PHACTR1: variants seen among roughly 807,000 people sequenced by gnomAD.
The protein encoded by PHACTR1 is RPEL repeat containing 1.
A neutral mutation model predicts 69.2 loss-of-function variants in PHACTR1; 16 were observed. The observed-to-expected ratio is 0.23, with a 90% CI of 0.16 to 0.35. The LOEUF (loss-of-function observed/expected upper bound fraction) is 0.35, where lower values mean the gene tolerates loss of function less well. Among genes scored for constraint, PHACTR1 ranks in the 10% least tolerant of loss-of-function variants. The pLI is 1.00. For synonymous variants in PHACTR1, 312 were observed against 284.5 expected, an observed-to-expected ratio of 1.10 and a Z score of -0.97; for missense variants, 510 against 734.7, an observed-to-expected ratio of 0.69 and a Z score of 3.54.
chr6:13,159,485 T>C (rs1583639918), intron 5 of PHACTR1, among the ~76,000 whole-genome samples: 1 of 152,190 alleles, frequency 6.6e-6, no homozygotes, highest in East Asian at 1.9e-4. Flanking sequence ...GGAAGTACCA[T>C]GTTCAGGAAA....
At chr6:12,994,766 C>A (rs1313015771) in intron 4 of PHACTR1, among the ~76,000 whole-genome samples, 1 of 151,806 alleles carries the variant, frequency 6.6e-6, no homozygotes, top group Non-Finnish European at 1.5e-5. Flanking sequence ...AGTTAAATAC[C>A]ATACGGAATA....
chr6:12,893,636 C>T (rs1784366410), intron 4 of PHACTR1, among the ~76,000 whole-genome samples: 1 of 152,142 alleles, frequency 6.6e-6, no homozygotes, highest in African/African-American at 2.4e-5. Flanking sequence ...TATCTTTCAA[C>T]CATTCTGTCA....
At chr6:13,256,459 T>C (rs1370686014) in intron 10 of PHACTR1, among the ~76,000 whole-genome samples, 1 of 152,242 alleles carries the variant, frequency 6.6e-6, no homozygotes, top group Non-Finnish European at 1.5e-5. Context: ...GGGCTTTTCT[T>C]TTCTACCAAA....
In PHACTR1 at chr6:12,983,731, G is replaced by A. The variant is rs182176716; in HGVS notation, c.251-69634G>A. Among the ~76,000 whole-genome samples, 511 of 152,184 alleles carry A rather than the reference G, an allele frequency of 3.4e-3. 4 individuals carry two copies. The highest frequency in any genetic ancestry group is 5.2e-3 in the Non-Finnish European group (355 of 68,016). ...CCCACGACAGACCCTGATGTGTGAC[G>A]TTCCCCTTCCTGTGTCCAAGTGTTC... On this transcript the variant is annotated intron_variant, in intron 4 of 14. Transcript: ENST00000332995.
At chr6:12,888,064 C>T (rs1310721790) in intron 4 of PHACTR1, among the ~76,000 whole-genome samples, 1 of 113,404 alleles carries the variant, frequency 8.8e-6, no homozygotes, top group African/African-American at 3.4e-5. Context: ...CAGAGTGAGA[C>T]TCCATCTCAA....
chr6:13,157,811 C>T (rs1758400571), intron 5 of PHACTR1, among the ~76,000 whole-genome samples: 1 of 152,096 alleles, frequency 6.6e-6, no homozygotes, highest in Non-Finnish European at 1.5e-5. Flanking sequence ...TACTTAAAGC[C>T]CCCCTGCTTC....
chr6:13,048,694 G>C (rs1239676568), intron 4 of PHACTR1, among the ~76,000 whole-genome samples: 1 of 152,162 alleles, frequency 6.6e-6, no homozygotes, highest in African/African-American at 2.4e-5. Flanking sequence ...ACCACACCCA[G>C]CTTATTTTTC....
intron 5 of PHACTR1, among the ~76,000 whole-genome samples, chr6:13,079,848 C>T (rs780159091): frequency 6.6e-6 from 1 of 152,090 alleles, no homozygotes; most frequent in Non-Finnish European, 1.5e-5. Flanking sequence ...CAAGTGAGTT[C>T]ACCTCTTCGA....
intron 5 of PHACTR1, among the ~76,000 whole-genome samples, chr6:13,086,083 T>TAAAAAAAAAAAAAAAAAAAAAAAAAAAA (rs776154642): frequency 6.6e-5 from 4 of 60,266 alleles, no homozygotes; most frequent in African/African-American, 1.7e-4. Flanking sequence ...TACACATTTC[T>TAAAAAAAAAAAAAAAAAAAAAAAAAAAA]AAAAAAAAAA....
intron 4 of PHACTR1, among the ~76,000 whole-genome samples, chr6:12,999,930 A>G (rs1797880774): frequency 6.6e-6 from 1 of 152,248 alleles, no homozygotes; most frequent in Admixed American, 6.5e-5. Flanking sequence ...GCCCAGGTGG[A>G]AAGTATTATA....
At chr6:12,731,094 C>A (rs916568422) in intron 3 of PHACTR1, among the ~76,000 whole-genome samples, 1 of 151,616 alleles carries the variant, frequency 6.6e-6, no homozygotes, top group African/African-American at 2.4e-5. Context: ...TGTCTCACTG[C>A]AACCTCTGCC....
chr6:12,898,173 T>C (rs1784860413), intron 4 of PHACTR1, among the ~76,000 whole-genome samples: 1 of 152,126 alleles, frequency 6.6e-6, no homozygotes, highest in African/African-American at 2.4e-5. Flanking sequence ...CCTATCTCTC[T>C]GTCCATTTTT....
At chr6:12,751,015 G>T (rs927994995) in intron 4 of PHACTR1, among the ~76,000 whole-genome samples, 1 of 152,206 alleles carries the variant, frequency 6.6e-6, no homozygotes, top group Non-Finnish European at 1.5e-5. Context: ...CGCGTGCATG[G>T]TGCATGTGTT....
chr6:13,173,136 G>T (rs1760840674), intron 6 of PHACTR1, among the ~76,000 whole-genome samples: 1 of 152,162 alleles, frequency 6.6e-6, no homozygotes, highest in Non-Finnish European at 1.5e-5. Flanking sequence ...ACAACAAAAT[G>T]ACTTTTCTTC....
At chr6:13,139,384 A>C in intron 5 of PHACTR1, among the ~76,000 whole-genome samples, 2 of 152,192 alleles carry the variant, frequency 1.3e-5, no homozygotes, top group Middle Eastern at 3.4e-3. Flanking sequence ...CTTAAGTATC[A>C]GCTGTTTGGT....
chr6:12,970,088 C>A (rs532337827), intron 4 of PHACTR1, among the ~76,000 whole-genome samples: 1 of 152,188 alleles, frequency 6.6e-6, no homozygotes, highest in Non-Finnish European at 1.5e-5. Context: ...CTTTTAACTG[C>A]GTCCTGATGG....
intron 4 of PHACTR1, among the ~76,000 whole-genome samples, chr6:12,865,355 C>T (rs778622193): frequency 6.6e-6 from 1 of 152,182 alleles, no homozygotes; most frequent in African/African-American, 2.4e-5. Context: ...TCCTTCAATA[C>T]TGATGCACTA....
In PHACTR1 at chr6:13,205,909, G is replaced by A. The variant is rs762108168; in HGVS notation, c.759G>A (p.Gly253=). The change falls in exon 8 of 15, where the codon GGG becomes GGA. Residue 253 remains glycine (G), a synonymous_variant. Transcript: ENST00000332995. ...TCATGATCTGTATGCCCGTGGGGGGGCCAGACCTCTCACTGGTGTCCTACA... is the reference window on the plus strand; with the variant it reads ...TCATGATCTGTATGCCCGTGGGGGGACCAGACCTCTCACTGGTGTCCTACA... ...KKVMICMPVG[G]PDLSLVSYTA... is the part of the protein sequence containing the mutation. 9 of 1,613,686 alleles carry A rather than the reference G, an allele frequency of 5.6e-6. No individual in the cohort carries two copies. In the Admixed American group the frequency reaches 1.5e-4, roughly 27 times the overall value.
At chr6:13,119,092 T>C (rs1583440320) in intron 5 of PHACTR1, among the ~76,000 whole-genome samples, 1 of 152,176 alleles carries the variant, frequency 6.6e-6, no homozygotes, top group South Asian at 2.1e-4. Flanking sequence ...GCCTCTCTCT[T>C]TATCTACCTC....
Sources: allele counts gnomAD v4.1 joint callset (sites outside exome capture counted in the v4.1 genomes callset), GRCh38; gene constraint gnomAD v4.1.1; transcripts MANE v1.5; gene names NCBI Gene and HGNC (gene_info 2026-07-23, HGNC 2026-07-21).